BBX: variants seen among roughly 807,000 people sequenced by gnomAD.
The protein encoded by BBX is HMG box transcription factor BBX.
Under a neutral mutation model 100.2 loss-of-function variants are expected in BBX, and 30 were observed. That is an observed-to-expected ratio of 0.30 (90% CI 0.22 to 0.41). BBX has a LOEUF of 0.41. BBX is among the 10% of genes least tolerant of loss of function. The pLI, the probability that BBX is intolerant of heterozygous loss-of-function variation, is 1.00. For synonymous variants in BBX, 376 were observed against 388.1 expected (o/e 0.97, Z 0.37); for missense variants, 1,023 against 1,129.8 (o/e 0.91, Z 1.35).
intron 3 of BBX, among the ~76,000 whole-genome samples, chr3:107,703,908 T>C (rs2061234144): frequency 1.3e-5 from 2 of 152,244 alleles, no homozygotes; most frequent in African/African-American, 4.8e-5. Context: ...GGTGTTCCCT[T>C]ACCAGCCCCT....
chr3:107,807,929 T>C lies in BBX; in HGVS notation c.*2472T>C, dbSNP rs2071141159. On this transcript the variant is annotated 3_prime_UTR_variant, in exon 18 of 18. Coordinates refer to ENST00000325805, the MANE Select transcript of BBX (RefSeq NM_001142568.3). ...TAGGCACTGAGAGTAGCAGAAATCC[T>C]GCAAAGCTTTATAGTTCCTTAGACT... 1 of 152,196 alleles carries C rather than the reference T, an allele frequency of 6.6e-6. No individual in the cohort carries two copies. The highest frequency in any genetic ancestry group is 2.4e-5 in the African/African-American group (1 of 41,452). 9.4% of individuals were successfully genotyped at this position (152,196 alleles called of 1,614,324 possible).
At chr3:107,675,027 A>G (rs1013198498) in intron 3 of BBX, among the ~76,000 whole-genome samples, 2 of 152,180 alleles carry the variant, frequency 1.3e-5, no homozygotes, top group Admixed American at 1.3e-4. Flanking sequence ...TTATGTGTGC[A>G]TTTATTATGT....
intron 2 of BBX, among the ~76,000 whole-genome samples, chr3:107,593,362 C>T (rs939317575): frequency 6.6e-6 from 1 of 152,180 alleles, no homozygotes; most frequent in African/African-American, 2.4e-5. Flanking sequence ...CAACCAAGTG[C>T]CATGCCAGAG....
chr3:107,795,704 G>A (rs2069578105), intron 15 of BBX, among the ~76,000 whole-genome samples: 2 of 147,200 alleles, frequency 1.4e-5, no homozygotes, highest in African/African-American at 5.1e-5. Context: ...TGACCCTTGG[G>A]ACTTGGGTAT....
At chr3:107,578,480 T>G (rs1438814124) in intron 2 of BBX, among the ~76,000 whole-genome samples, 2 of 152,246 alleles carry the variant, frequency 1.3e-5, no homozygotes, top group Admixed American at 6.5e-5. Context: ...TATTTCTCAT[T>G]AGGTTTTGTA....
intron 5 of BBX, among the ~76,000 whole-genome samples, chr3:107,722,514 C>A (rs925353502): frequency 6.6e-6 from 1 of 151,810 alleles, no homozygotes; most frequent in African/African-American, 2.4e-5. Flanking sequence ...TAATTTTCGC[C>A]CTTATAGCCA....
chr3:107,544,641 C>T (rs990267084), intron 2 of BBX, among the ~76,000 whole-genome samples: 28 of 151,968 alleles, frequency 1.8e-4, no homozygotes, highest in East Asian at 1.9e-4. Flanking sequence ...AAGGCCAAGG[C>T]GGGCAGATCA....
chr3:107,774,752 A>T lies in BBX; in HGVS notation c.1949A>T (p.Asp650Val). The T allele has an allele frequency of 6.2e-7, 1 of 1,613,522 alleles. No homozygotes were observed. Among genetic ancestry groups the T allele is most frequent in the Non-Finnish European group, 8.5e-7 (1 of 1,179,610 alleles). The change falls in exon 12 of 18, where the codon GAT (aspartate) becomes GTT (valine). Residue 650 changes from aspartate (D) to valine (V), a missense_variant. Asp to Val is a radical substitution (Grantham distance 152). Transcript: ENST00000325805. ...AGCTCAGGAAAAGGAAACTCCTCTGATCATGAAGGGTGTTGGAATGAAGAA... is the reference window on the plus strand; with the variant it reads ...AGCTCAGGAAAAGGAAACTCCTCTGTTCATGAAGGGTGTTGGAATGAAGAA... ...KRSSGKGNSS[D>V]HEGCWNEESW...
At chr3:107,554,316 A>G (rs1462310864) in intron 2 of BBX, among the ~76,000 whole-genome samples, 1 of 152,130 alleles carries the variant, frequency 6.6e-6, no homozygotes, top group Admixed American at 6.5e-5. Context: ...GTCTTTTTTC[A>G]CTCACATTTT....
intron 3 of BBX, among the ~76,000 whole-genome samples, chr3:107,675,737 G>C (rs1487157066): frequency 1.3e-5 from 2 of 152,190 alleles, no homozygotes; most frequent in Non-Finnish European, 2.9e-5. Flanking sequence ...TTGTGGTCAA[G>C]AGACCCAGAG....
intron 15 of BBX, among the ~76,000 whole-genome samples, chr3:107,796,617 G>A (rs2069697267): frequency 6.6e-6 from 1 of 152,092 alleles, no homozygotes; most frequent in African/African-American, 2.4e-5. Flanking sequence ...TATACTTAAA[G>A]GAGGCTTTGA....
At chr3:107,670,549 T>C (rs968690545) in intron 3 of BBX, among the ~76,000 whole-genome samples, 4 of 151,958 alleles carry the variant, frequency 2.6e-5, no homozygotes, top group Admixed American at 6.6e-5. Context: ...ATAGCTGTTA[T>C]ATGTCAATTA....
At chr3:107,582,433 C>T (rs752166107) in intron 2 of BBX, among the ~76,000 whole-genome samples, 5 of 151,916 alleles carry the variant, frequency 3.3e-5, no homozygotes, top group African/African-American at 9.7e-5. Flanking sequence ...GTTGAAGGAT[C>T]GTCCTAGTCT....
At chr3:107,604,834 A>G (rs2054312899) in intron 2 of BBX, among the ~76,000 whole-genome samples, 1 of 151,318 alleles carries the variant, frequency 6.6e-6, no homozygotes, top group Non-Finnish European at 1.5e-5. Flanking sequence ...ACACAGGGAG[A>G]TAATACATCC....
chr3:107,738,332 G>A (rs920277038), intron 7 of BBX, among the ~76,000 whole-genome samples: 29 of 152,112 alleles, frequency 1.9e-4, no homozygotes, highest in African/African-American at 5.8e-4. Flanking sequence ...TAAGAAACTT[G>A]GGATCAAGAA....
At chr3:107,602,420 A>G (rs780309934) in intron 2 of BBX, among the ~76,000 whole-genome samples, 2 of 152,234 alleles carry the variant, frequency 1.3e-5, no homozygotes, top group Non-Finnish European at 2.9e-5. Flanking sequence ...GCCATTAAGA[A>G]TATTGGTGAT....
At chr3:107,726,326 C>T (rs1247910585) in intron 5 of BBX, among the ~76,000 whole-genome samples, 2 of 151,846 alleles carry the variant, frequency 1.3e-5, no homozygotes, top group Non-Finnish European at 1.5e-5. Context: ...CCTTGATGCT[C>T]ATATACTGCT....
At chr3:107,692,557 A>G (rs1054443374) in intron 3 of BBX, among the ~76,000 whole-genome samples, 2 of 152,154 alleles carry the variant, frequency 1.3e-5, no homozygotes, top group Admixed American at 1.3e-4. Flanking sequence ...GTAGTATTCT[A>G]TGGTGTATAT....
intron 2 of BBX, among the ~76,000 whole-genome samples, chr3:107,529,824 A>G (rs966127423): frequency 1.4e-5 from 2 of 144,290 alleles, no homozygotes; most frequent in Non-Finnish European, 3.1e-5. Context: ...GATTGTCTTC[A>G]TTTTTTTTTT....
Sources: gnomAD v4.1 joint callset for allele counts (sites outside exome capture counted in the v4.1 genomes callset) on GRCh38, gnomAD v4.1.1 for gene constraint, MANE v1.5 for transcripts, NCBI Gene and HGNC (gene_info 2026-07-23, HGNC 2026-07-21) for gene names.